Variants in NOS1AP observed in about 807,000 individuals in gnomAD.
The protein encoded by NOS1AP is carboxyl-terminal PDZ ligand of neuronal nitric oxide synthase protein.
NOS1AP carries 21 observed loss-of-function variants against 56.2 expected under a neutral mutation model. The observed-to-expected ratio is 0.37, with a 90% CI of 0.26 to 0.54. NOS1AP has a LOEUF of 0.54. NOS1AP is among the 20% of genes least tolerant of loss of function. The probability of loss-of-function intolerance (pLI) is 0.84; values close to 1 mark genes in which losing one functional copy is unlikely to be tolerated. For missense variants in NOS1AP, 522 were observed against 657.8 expected, an observed-to-expected ratio of 0.79 and a Z score of 2.26; for synonymous variants, 270 against 274.6, an observed-to-expected ratio of 0.98 and a Z score of 0.17.
At chr1:162,076,817 G>A (rs182607855) in intron 1 of NOS1AP, among the ~76,000 whole-genome samples, 6 of 152,206 alleles carry the variant, frequency 3.9e-5, no homozygotes, top group Admixed American at 3.3e-4. Flanking sequence ...TTGCCTATTC[G>A]GGACATTTCA....
chr1:162,138,627 G>A (rs576519405), intron 1 of NOS1AP, among the ~76,000 whole-genome samples: 2 of 152,220 alleles, frequency 1.3e-5, no homozygotes, highest in East Asian at 3.9e-4. Flanking sequence ...TCTGCCTGGG[G>A]GCCATCCAGA....
At chr1:162,276,191 A>C (rs1441596984) in intron 2 of NOS1AP, among the ~76,000 whole-genome samples, 1 of 152,194 alleles carries the variant, frequency 6.6e-6, no homozygotes, top group Admixed American at 6.5e-5. Context: ...GCACTTTGCT[A>C]TGGTGAAAAC....
At chr1:162,120,177 T>C (rs1448960780) in intron 1 of NOS1AP, among the ~76,000 whole-genome samples, 1 of 152,158 alleles carries the variant, frequency 6.6e-6, no homozygotes, top group Non-Finnish European at 1.5e-5. Flanking sequence ...ACCCTTTAGC[T>C]GAATAATTCT....
intron 4 of NOS1AP, among the ~76,000 whole-genome samples, chr1:162,311,734 C>A: frequency 7.2e-6 from 1 of 138,992 alleles, no homozygotes; most frequent in Non-Finnish European, 1.6e-5. Flanking sequence ...CCTCCCCCCT[C>A]CCCCCACCCC....
chr1:162,331,887 A>C (rs1656782402), intron 4 of NOS1AP, among the ~76,000 whole-genome samples: 1 of 152,082 alleles, frequency 6.6e-6, no homozygotes, highest in Non-Finnish European at 1.5e-5. Flanking sequence ...CCTTGCTTAT[A>C]ATTTTCCCCC....
chr1:162,121,241 G>A (rs1648218206), intron 1 of NOS1AP, among the ~76,000 whole-genome samples: 1 of 151,334 alleles, frequency 6.6e-6, no homozygotes, highest in Non-Finnish European at 1.5e-5. Context: ...CACGATCTTG[G>A]TTCAGCCTCC....
chr1:162,309,192 C>T (rs971480217), intron 4 of NOS1AP, among the ~76,000 whole-genome samples: 32 of 152,284 alleles, frequency 2.1e-4, no homozygotes, highest in Middle Eastern at 6.8e-3. Flanking sequence ...GTATGTTTCA[C>T]TTAGTTAACA....
chr1:162,352,590 TGAG>T lies in NOS1AP; in HGVS notation c.596-2596_596-2594del, dbSNP rs201839123. 7.0e-3 allele frequency among the ~76,000 whole-genome samples: 1,062 copies of T among 152,310 alleles called. 10 individuals carry two copies. The highest frequency in any genetic ancestry group is 0.016 in the South Asian group (78 of 4,822). On this transcript the variant is annotated intron_variant, in intron 6 of 9. Coordinates refer to ENST00000361897, the MANE Select transcript of NOS1AP (RefSeq NM_014697.3). The stretch of plus-strand genomic sequence containing the variant: ...ATTTATTTCTGACAGTTTTGGAGGC[TGAG>T]AAGTCCAAGATTAAGGTGCCAGCCA...
At chr1:162,114,106 CACTT>C (rs1647827724) in intron 1 of NOS1AP, among the ~76,000 whole-genome samples, 1 of 152,128 alleles carries the variant, frequency 6.6e-6, no homozygotes, top group Non-Finnish European at 1.5e-5. Flanking sequence ...TATAAACAAA[CACTT>C]AATTTGAATG....
At chr1:162,089,769 C>A (rs1176161950) in intron 1 of NOS1AP, among the ~76,000 whole-genome samples, 1 of 152,178 alleles carries the variant, frequency 6.6e-6, no homozygotes, top group Admixed American at 6.5e-5. Context: ...AGGCTGGCAG[C>A]CTCCAGCAGC....
intron 2 of NOS1AP, among the ~76,000 whole-genome samples, chr1:162,281,776 T>C (rs1426159544): frequency 6.6e-6 from 1 of 152,210 alleles, no homozygotes; most frequent in Non-Finnish European, 1.5e-5. Flanking sequence ...TGTTACATGG[T>C]GTTTTAGATT....
At chr1:162,132,876 T>G (rs945515959) in intron 1 of NOS1AP, among the ~76,000 whole-genome samples, 3 of 152,210 alleles carry the variant, frequency 2.0e-5, no homozygotes, top group African/African-American at 7.2e-5. Context: ...GCTCTCTTCT[T>G]GCTGAGATTC....
chr1:162,199,979 G>A (rs1322266995), intron 2 of NOS1AP, among the ~76,000 whole-genome samples: 1 of 152,190 alleles, frequency 6.6e-6, no homozygotes, highest in African/African-American at 2.4e-5. Context: ...AGTGGTAGAA[G>A]CCATGTGCAT....
rs944980493 is a variant in NOS1AP, at chr1:162,229,147, C to T, written c.178-58197C>T. Among the ~76,000 whole-genome samples, 3 of 152,192 alleles carry T rather than the reference C, an allele frequency of 2.0e-5. No homozygotes were observed. The South Asian group carries it at 6.2e-4, about 31-fold the overall frequency. Reference sequence around the variant, plus strand: ...TAACAGGTGAAATAGAGCTGACTGGCTCTTTAGGACTGTTCTAGTAATGTG... The same window carrying T: ...TAACAGGTGAAATAGAGCTGACTGGTTCTTTAGGACTGTTCTAGTAATGTG... On this transcript the variant is annotated intron_variant, in intron 2 of 9. Transcript: ENST00000361897.
chr1:162,141,825 T>C (rs1649246249), intron 1 of NOS1AP, among the ~76,000 whole-genome samples: 1 of 152,230 alleles, frequency 6.6e-6, no homozygotes, highest in Admixed American at 6.5e-5. Flanking sequence ...ATGAGAATGA[T>C]TAATTCCTCT....
At chr1:162,265,110 C>T (rs1020763845) in intron 2 of NOS1AP, among the ~76,000 whole-genome samples, 13 of 152,092 alleles carry the variant, frequency 8.5e-5, no homozygotes, top group African/African-American at 1.7e-4. Flanking sequence ...CCACTGCACC[C>T]GGTCCTCTTT....
chr1:162,227,577 C>G (rs1225152386), intron 2 of NOS1AP, among the ~76,000 whole-genome samples: 1 of 152,158 alleles, frequency 6.6e-6, no homozygotes, highest in Non-Finnish European at 1.5e-5. Flanking sequence ...TGGCAGGTAG[C>G]TCTCCCATGG....
At chr1:162,205,670 C>A (rs754404549) in intron 2 of NOS1AP, among the ~76,000 whole-genome samples, 2 of 152,060 alleles carry the variant, frequency 1.3e-5, no homozygotes, top group African/African-American at 2.4e-5. Flanking sequence ...CTAAGGAAGT[C>A]TTTGGAGGTA....
chr1:162,145,375 A>G (rs955853960), intron 1 of NOS1AP, among the ~76,000 whole-genome samples: 3 of 152,050 alleles, frequency 2.0e-5, no homozygotes, highest in African/African-American at 7.3e-5. Context: ...ACACCCTAGC[A>G]CCTGGAGAGC....
Sources: allele counts gnomAD v4.1 joint callset (sites outside exome capture counted in the v4.1 genomes callset), GRCh38; gene constraint gnomAD v4.1.1; transcripts MANE v1.5; gene names NCBI Gene and HGNC (gene_info 2026-07-23, HGNC 2026-07-21).